ST6GALNAC3: variants seen among roughly 807,000 people sequenced by gnomAD.
ST6GALNAC3 encodes the protein ST6 N-acetylgalactosaminide alpha-2,6-sialyltransferase 3, also known as alpha-N-acetylgalactosaminide alpha-2,6-sialyltransferase 3.
A neutral mutation model predicts 32.7 loss-of-function variants in ST6GALNAC3; 25 were observed. The ratio of observed to expected loss-of-function variants is 0.76; its 90% CI spans 0.56 to 1.07. The LOEUF is 1.07. ST6GALNAC3 is among the 50% of genes least tolerant of loss of function. ST6GALNAC3 has a pLI of 0.00. For synonymous variants in ST6GALNAC3, 129 were observed against 133.1 expected, an observed-to-expected ratio of 0.97 and a Z score of 0.21; for missense variants, 355 against 382.4, an observed-to-expected ratio of 0.93 and a Z score of 0.60.
At chr1:76,610,848 G>A (rs1387972003) in intron 3 of ST6GALNAC3, among the ~76,000 whole-genome samples, 1 of 152,072 alleles carries the variant, frequency 6.6e-6, no homozygotes, top group Non-Finnish European at 1.5e-5. Flanking sequence ...CTTCTTTCCT[G>A]GTATGGGGAT....
At chr1:76,104,540 G>A (rs1210974126) in intron 1 of ST6GALNAC3, among the ~76,000 whole-genome samples, 3 of 151,400 alleles carry the variant, frequency 2.0e-5, no homozygotes, top group Admixed American at 2.0e-4. Context: ...ATGTCGTTAG[G>A]GGAGAAATAG....
chr1:76,457,519 C>T (rs1009212955), intron 3 of ST6GALNAC3, among the ~76,000 whole-genome samples: 5 of 152,160 alleles, frequency 3.3e-5, no homozygotes, highest in Non-Finnish European at 5.9e-5. Context: ...CAGCATGGTA[C>T]TGGTACCAAA....
intron 3 of ST6GALNAC3, among the ~76,000 whole-genome samples, chr1:76,466,766 A>G (rs989836839): frequency 6.6e-6 from 1 of 152,064 alleles, no homozygotes; most frequent in Admixed American, 6.6e-5. Flanking sequence ...GTAATGGGTT[A>G]TTTGCATGAA....
intron 3 of ST6GALNAC3, among the ~76,000 whole-genome samples, chr1:76,485,857 A>T (rs1446865237): frequency 1.3e-5 from 2 of 152,184 alleles, no homozygotes; most frequent in African/African-American, 4.8e-5. Context: ...TCTTGTGGAC[A>T]TTTAGTACTA....
At chr1:76,105,344 C>A (rs1179912702) in intron 1 of ST6GALNAC3, among the ~76,000 whole-genome samples, 1 of 152,218 alleles carries the variant, frequency 6.6e-6, no homozygotes, top group Non-Finnish European at 1.5e-5. Context: ...TTGGTTACTG[C>A]TGTCCTGAGC....
At position 76,538,225 on chromosome 1, in the gene ST6GALNAC3, C is replaced by T. The variant is rs183184802; in HGVS notation, c.624-89227C>T. Among the ~76,000 whole-genome samples the T allele has an allele frequency of 6.1e-3, 929 of 152,194 alleles. 10 individuals are homozygous for T. Among genetic ancestry groups the T allele is most frequent in the African/African-American group, 0.021 (858 of 41,530 alleles). On this transcript the variant is annotated intron_variant, in intron 3 of 4. Coordinates refer to ENST00000328299, the MANE Select transcript of ST6GALNAC3 (RefSeq NM_152996.4). ...CAAGTCTGGTTCAATGTACACAAAT[C>T]GATAAACGTAATCCATCACATAAAC... is the stretch of plus-strand genomic sequence containing the variant.
chr1:76,526,387 A>G (rs935442871), intron 3 of ST6GALNAC3, among the ~76,000 whole-genome samples: 1 of 152,126 alleles, frequency 6.6e-6, no homozygotes, highest in Admixed American at 6.6e-5. Flanking sequence ...AGAATGAGCT[A>G]CAGTCCTTTC....
chr1:76,468,304 A>T (rs1235523213), intron 3 of ST6GALNAC3, among the ~76,000 whole-genome samples: 1 of 152,018 alleles, frequency 6.6e-6, no homozygotes, highest in Non-Finnish European at 1.5e-5. Flanking sequence ...TTTCCTCTAA[A>T]TACTTCAGTG....
At chr1:76,466,590 T>C (rs952938498) in intron 3 of ST6GALNAC3, among the ~76,000 whole-genome samples, 1 of 152,134 alleles carries the variant, frequency 6.6e-6, no homozygotes, top group African/African-American at 2.4e-5. Context: ...CATCAAGTGT[T>C]AATATACTTT....
chr1:76,585,115 T>A (rs1348305986), intron 3 of ST6GALNAC3, among the ~76,000 whole-genome samples: 1 of 152,208 alleles, frequency 6.6e-6, no homozygotes. Flanking sequence ...CCGGGCGCAG[T>A]GGCTCACGCC....
At chr1:76,074,931 T>A in intron 1 of ST6GALNAC3, 47 bp downstream of exon 1, 1 of 1,573,880 alleles carries the variant, frequency 6.4e-7, no homozygotes, top group Non-Finnish European at 8.6e-7. Flanking sequence ...GCCAGCCCCT[T>A]GCTGCTCAGA....
At chr1:76,310,958 G>T (rs186985318) in intron 1 of ST6GALNAC3, among the ~76,000 whole-genome samples, 1 of 152,002 alleles carries the variant, frequency 6.6e-6, no homozygotes. Context: ...GACAACTCTG[G>T]TTTCTTCTGA....
intron 3 of ST6GALNAC3, among the ~76,000 whole-genome samples, chr1:76,480,586 A>T (rs1473693006): frequency 6.6e-6 from 1 of 152,126 alleles, no homozygotes; most frequent in Non-Finnish European, 1.5e-5. Flanking sequence ...TATCATCCTT[A>T]ATGATCTCCA....
At chr1:76,211,720 G>A (rs1443476768) in intron 1 of ST6GALNAC3, among the ~76,000 whole-genome samples, 1 of 152,006 alleles carries the variant, frequency 6.6e-6, no homozygotes, top group Non-Finnish European at 1.5e-5. Flanking sequence ...TCGCTCATAG[G>A]TGGGAATTGA....
intron 3 of ST6GALNAC3, among the ~76,000 whole-genome samples, chr1:76,544,466 G>A (rs1302023515): frequency 6.6e-6 from 1 of 152,116 alleles, no homozygotes; most frequent in African/African-American, 2.4e-5. Context: ...TAACTAGTTG[G>A]ATTTAAAACA....
At chr1:76,143,345 A>G (rs1363033971) in intron 1 of ST6GALNAC3, among the ~76,000 whole-genome samples, 1 of 151,314 alleles carries the variant, frequency 6.6e-6, no homozygotes, top group Non-Finnish European at 1.5e-5. Flanking sequence ...TCATTAGGTG[A>G]TTGCAAAAGT....
intron 2 of ST6GALNAC3, among the ~76,000 whole-genome samples, chr1:76,392,841 A>C (rs1435149967): frequency 1.3e-5 from 2 of 152,250 alleles, no homozygotes; most frequent in Non-Finnish European, 2.9e-5. Context: ...TTAACTTGCA[A>C]CTGGATAATT....
At chr1:76,550,832 T>C (rs1664576129) in intron 3 of ST6GALNAC3, among the ~76,000 whole-genome samples, 1 of 152,188 alleles carries the variant, frequency 6.6e-6, no homozygotes, top group Non-Finnish European at 1.5e-5. Flanking sequence ...TTCGGTTCAC[T>C]GCAACCTCTG....
At chr1:76,617,595 C>G (rs965728430) in intron 3 of ST6GALNAC3, among the ~76,000 whole-genome samples, 1 of 152,036 alleles carries the variant, frequency 6.6e-6, no homozygotes, top group Non-Finnish European at 1.5e-5. Context: ...CTTTTTAAAG[C>G]TTAAGTATAA....
Sources: allele counts gnomAD v4.1 joint callset (sites outside exome capture counted in the v4.1 genomes callset), GRCh38; gene constraint gnomAD v4.1.1; transcripts MANE v1.5; gene names NCBI Gene and HGNC (gene_info 2026-07-23, HGNC 2026-07-21).